The following UGT2B15 variants were observed in gnomAD, a reference collection of about 807,000 sequenced individuals.
UGT2B15 encodes UDP glucuronosyltransferase family 2 member B15, also known as UDP-glucuronosyltransferase 2B15.
In UGT2B15, 36 loss-of-function variants were observed where a neutral mutation model predicts 45.9. The observed-to-expected ratio is 0.78, with a 90% confidence interval of 0.60 to 1.04. The LOEUF (loss-of-function observed/expected upper bound fraction) is 1.04, where lower values mean the gene tolerates loss of function less well. Among genes scored for constraint, UGT2B15 ranks in the 50% least tolerant of loss-of-function variants. The pLI, the probability that UGT2B15 is intolerant of heterozygous loss-of-function variation, is 0.00. For missense variants in UGT2B15, 617 were observed against 622.4 expected, an observed-to-expected ratio of 0.99 and a Z score of 0.09; for synonymous variants, 219 against 216.4, an observed-to-expected ratio of 1.01 and a Z score of -0.11.
intron 3 of UGT2B15, among the ~76,000 whole-genome samples, chr4:68,662,217 C>T (rs1732988311): frequency 1.3e-5 from 2 of 151,982 alleles, no homozygotes; most frequent in Non-Finnish European, 2.9e-5. Flanking sequence ...ATATTTTCTG[C>T]TCCTTCCTCA....
intron 2 of UGT2B15, among the ~76,000 whole-genome samples, chr4:68,666,284 G>A (rs548877170): frequency 1.5e-4 from 23 of 152,154 alleles, no homozygotes; most frequent in Admixed American, 5.2e-4. Context: ...CAGAGTATCT[G>A]TTCTCTAGGA....
chr4:68,667,946 T>G, intron 2 of UGT2B15, 94 bp downstream of exon 2: 1 of 1,534,430 alleles, frequency 6.5e-7, no homozygotes, highest in East Asian at 2.3e-5. Context: ...CCTCCCATAT[T>G]CCCCTCACTC....
chr4:68,647,374 C>G lies in UGT2B15; in HGVS notation c.1323G>C (p.Glu441Asp). ...KSVINDPVYK[E>D]NVMKLSRIHH... ...GAATTCTTGATAATTTCATGACATT[C>G]TCTTTATAGCTGAAGGATAAATATA... The change falls in exon 6 of 6, where the codon GAG becomes GAC. Residue 441 changes from glutamate to aspartate, a missense_variant. Glu to Asp is a conservative substitution (Grantham distance 45). Coordinates refer to ENST00000338206, the MANE Select transcript of UGT2B15 (RefSeq NM_001076.4). The G allele has an allele frequency of 6.2e-7, 1 of 1,611,162 alleles. No homozygotes were observed. The highest frequency in any genetic ancestry group is 8.5e-7 in the Non-Finnish European group (1 of 1,178,300).
chr4:68,659,971 T>C (rs1275770262), intron 3 of UGT2B15, among the ~76,000 whole-genome samples: 3 of 151,252 alleles, frequency 2.0e-5, no homozygotes, highest in African/African-American at 7.3e-5. Context: ...TTTTGAGCTA[T>C]TAACAGCTTT....
At chr4:68,659,929 GT>G (rs201274189) in intron 3 of UGT2B15, among the ~76,000 whole-genome samples, 1 of 145,186 alleles carries the variant, frequency 6.9e-6, no homozygotes, top group Non-Finnish European at 1.5e-5. Context: ...CCTTTGTTTT[GT>G]TTTTTTTTCA....
At position 68,650,517 on chromosome 4, in the gene UGT2B15, T is replaced by C. The variant is rs1398054455; in HGVS notation, c.1314-3134A>G. Among the ~76,000 whole-genome samples, 3 of 152,232 alleles carry C rather than the reference T, an allele frequency of 2.0e-5. No homozygotes were observed. In the East Asian group the frequency reaches 5.8e-4, roughly 29 times the overall value. ...GGTGCATAGTATTCCATAGTGTACA[T>C]GTATCATATTTTCTTTATCCAGTCT... is the stretch of plus-strand genomic sequence containing the variant. On this transcript the variant is annotated intron_variant, in intron 5 of 5. Transcript: ENST00000338206.
intron 5 of UGT2B15, among the ~76,000 whole-genome samples, chr4:68,652,809 C>T (rs1732696274): frequency 6.6e-6 from 1 of 151,170 alleles, no homozygotes; most frequent in Non-Finnish European, 1.5e-5. Flanking sequence ...ATAAATAATT[C>T]TTATGAATCC....
intron 3 of UGT2B15, among the ~76,000 whole-genome samples, chr4:68,661,906 A>T (rs1168555695): frequency 6.6e-6 from 1 of 152,090 alleles, no homozygotes; most frequent in Non-Finnish European, 1.5e-5. Flanking sequence ...TCACACTTAG[A>T]TGATGCACTA....
intron 2 of UGT2B15, among the ~76,000 whole-genome samples, chr4:68,667,694 T>C (rs1032360955): frequency 2.6e-5 from 4 of 152,186 alleles, no homozygotes; most frequent in Non-Finnish European, 5.9e-5. Context: ...GCAGAAACTG[T>C]GCTACCTTTA....
chr4:68,665,000 G>A (rs1255807051), intron 2 of UGT2B15, among the ~76,000 whole-genome samples: 1 of 152,100 alleles, frequency 6.6e-6, no homozygotes, highest in Non-Finnish European at 1.5e-5. Flanking sequence ...CTCATTCACT[G>A]CCAAAAGTCT....
In UGT2B15 at chr4:68,647,304, T is replaced by C. The variant is rs781763880; in HGVS notation, c.1393A>G (p.Ile465Val). 2.5e-6 allele frequency: 4 copies of C among 1,613,816 alleles called. No homozygotes were observed. The highest frequency in any genetic ancestry group is 2.5e-6 in the Non-Finnish European group (3 of 1,179,872). ...CCTTTGTGGCGCATGACAAACTCAA[T>C]CCAGAAGACTGCTCGATCCAGGGGC... is the stretch of plus-strand genomic sequence containing the variant. ...MKPLDRAVFW[I>V]EFVMRHKGAK... is the part of the protein sequence containing the mutation. The change falls in exon 6 of 6, where the codon ATT (isoleucine) becomes GTT (valine). Residue 465 changes from isoleucine to valine, a missense_variant. Around this residue, in one of 3 missense-constraint regions of UGT2B15, gnomAD observed 265 missense variants for 245.1 expected, o/e 1.08. Coordinates refer to ENST00000338206, the MANE Select transcript of UGT2B15 (RefSeq NM_001076.4).
chr4:68,647,213 A>G lies in UGT2B15; in HGVS notation c.1484T>C (p.Ile495Thr), dbSNP rs765481999. 3.1e-6 allele frequency: 5 copies of G among 1,613,898 alleles called. No homozygotes were observed. The highest frequency in any genetic ancestry group is 1.1e-5 in the South Asian group (1 of 91,088). The change falls in exon 6 of 6, where the codon ATA becomes ACA. Residue 495 changes from isoleucine (I) to threonine (T), a missense_variant. Physicochemically the swap from Ile to Thr is moderately conservative, Grantham distance 89. Transcript: ENST00000338206. ...TWIQYHSLDV[I>T]AFLLACVATV... ...TGCCACGCAGGCCAGCAGGAATGCT[A>G]TCACATCCAAAGAGTGGTACTGGAT...
chr4:68,647,046 G>T lies in UGT2B15; in HGVS notation c.*58C>A. The T allele has an allele frequency of 6.4e-7, 1 of 1,554,216 alleles. No individual in the cohort carries two copies. Among genetic ancestry groups the T allele is most frequent in the East Asian group, 2.3e-5 (1 of 44,396 alleles). ...AAATCCTCCATTTAAAACCCTCCAT[G>T]CTGAAATAAAGGAGGAGTCCCATCT... On this transcript the variant is annotated 3_prime_UTR_variant, in exon 6 of 6. Coordinates refer to ENST00000338206, the MANE Select transcript of UGT2B15 (RefSeq NM_001076.4).
intron 1 of UGT2B15, among the ~76,000 whole-genome samples, chr4:68,668,911 G>A (rs1733220061): frequency 6.6e-6 from 1 of 151,448 alleles, no homozygotes; most frequent in African/African-American, 2.4e-5. Context: ...TCCCTCTGAA[G>A]CTGCAATAGT....
chr4:68,665,486 A>G (rs1218728211), intron 2 of UGT2B15, among the ~76,000 whole-genome samples: 1 of 152,136 alleles, frequency 6.6e-6, no homozygotes, highest in Admixed American at 6.6e-5. Context: ...AGTTTTTTTA[A>G]TGAGTATTTG....
At position 68,647,077 on chromosome 4, in the gene UGT2B15, T is replaced by A. The variant is rs1560601133; in HGVS notation, c.*27A>T. On this transcript the variant is annotated 3_prime_UTR_variant, in exon 6 of 6. Coordinates refer to ENST00000338206, the MANE Select transcript of UGT2B15 (RefSeq NM_001076.4). ...ATAAAGGAGGAGTCCCATCTTTCAG[T>A]CATTCCACTTCAGGCTTTTGATATA... The A allele has an allele frequency of 6.3e-7, 1 of 1,592,710 alleles. No homozygotes were observed. Among genetic ancestry groups the A allele is most frequent in the East Asian group, 2.2e-5 (1 of 44,696 alleles).
At chr4:68,649,438 T>A (rs1005026113) in intron 5 of UGT2B15, among the ~76,000 whole-genome samples, 1 of 151,448 alleles carries the variant, frequency 6.6e-6, no homozygotes, top group African/African-American at 2.4e-5. Flanking sequence ...ATCCCCTACA[T>A]CTGGCTAAGT....
intron 2 of UGT2B15, among the ~76,000 whole-genome samples, chr4:68,666,701 C>T (rs79989857): frequency 6.7e-6 from 1 of 149,976 alleles, no homozygotes; most frequent in South Asian, 2.1e-4. Flanking sequence ...TTTTCAGTAG[C>T]TCTCCATTGT....
Position 68,654,143 on chromosome 4 carries a change from T to G in UGT2B15, c.1207A>C (p.Asn403His). Residue 403 changes from asparagine to histidine, a missense_variant, in exon 5 of 6, where the codon AAC becomes CAC. By Grantham distance (68) the Asn-to-His change is moderately conservative (BLOSUM62 1). Transcript: ENST00000338206. ...CCCTTGGCTTTCATGTGAGCAATGT[T>G]ATCATGTTGATCCGCAAACAAGGGA... ...GIPLFADQHD[N>H]IAHMKAKGAA... 5.0e-6 allele frequency: 8 copies of G among 1,613,666 alleles called. No homozygotes were observed. Among genetic ancestry groups the G allele is most frequent in the Non-Finnish European group, 6.8e-6 (8 of 1,179,708 alleles).
Sources: gnomAD v4.1 joint callset for allele counts (sites outside exome capture counted in the v4.1 genomes callset) on GRCh38, gnomAD v4.1.1 for gene constraint, gnomAD v4.1.1 regional missense constraint, MANE v1.5 for transcripts, NCBI Gene and HGNC (gene_info 2026-07-23, HGNC 2026-07-21) for gene names.